NUBPL: variants seen among roughly 807,000 people sequenced by gnomAD.
NUBPL encodes the protein iron-sulfur cluster transfer protein NUBPL.
NUBPL carries 31 observed loss-of-function variants against 45.7 expected under a neutral mutation model. That is an observed-to-expected ratio of 0.68 (90% CI 0.51 to 0.92). The LOEUF is 0.92. NUBPL is among the 40% of genes least tolerant of loss of function. The pLI is 0.00. For missense variants in NUBPL, 401 were observed against 398.7 expected (o/e 1.01, Z -0.05); for synonymous variants, 144 against 140.9 (o/e 1.02, Z -0.15).
intron 6 of NUBPL, among the ~76,000 whole-genome samples, chr14:31,778,176 A>C (rs533972483): frequency 1.5e-4 from 23 of 152,250 alleles, no homozygotes; most frequent in Admixed American, 5.9e-4. Flanking sequence ...AATTTGCATA[A>C]GATCTGTCTG....
At chr14:31,799,837 G>T (rs776606079) in intron 7 of NUBPL, among the ~76,000 whole-genome samples, 5 of 152,192 alleles carry the variant, frequency 3.3e-5, no homozygotes, top group Non-Finnish European at 7.3e-5. Context: ...AGACAACAAA[G>T]AAGTTTGCTG....
In NUBPL at chr14:31,590,748, T is replaced by C. The variant is rs115634691; in HGVS notation, c.292-8541T>C. On this transcript the variant is annotated intron_variant, in intron 3 of 10. Transcript: ENST00000281081. ...GACTAGTTGATATCACAGATAACTA[T>C]GATTTTTAGAGCTCAGTGTCTGTAA... Among the ~76,000 whole-genome samples the C allele has an allele frequency of 5.7e-3, 874 of 152,346 alleles. 8 individuals are homozygous for C. Among genetic ancestry groups the C allele is most frequent in the African/African-American group, 0.02 (816 of 41,572 alleles).
chr14:31,845,352 A>AATGAATGAATGATAAT (rs1318643568), intron 8 of NUBPL: 2 of 152,198 alleles, frequency 1.3e-5, no homozygotes, highest in African/African-American at 4.8e-5. Context: ...TCTCAACCAT[A>AATGAATGAATGATAAT]GAATGAGAAT....
intron 6 of NUBPL, among the ~76,000 whole-genome samples, chr14:31,694,046 A>G (rs901060544): frequency 1.3e-5 from 2 of 151,786 alleles, no homozygotes; most frequent in African/African-American, 2.4e-5. Flanking sequence ...TAGTAGAGAC[A>G]GGGTTTCACC....
At chr14:31,790,277 T>C (rs950577028) in intron 7 of NUBPL, among the ~76,000 whole-genome samples, 4 of 152,368 alleles carry the variant, frequency 2.6e-5, no homozygotes, top group African/African-American at 9.6e-5. Flanking sequence ...AACACCAGCA[T>C]TGCATATAGA....
At chr14:31,856,891 C>T (rs2040630311) in intron 10 of NUBPL, among the ~76,000 whole-genome samples, 1 of 152,180 alleles carries the variant, frequency 6.6e-6, no homozygotes, top group African/African-American at 2.4e-5. Context: ...GCAGCTTTTT[C>T]AGGCACACTG....
chr14:31,766,813 G>T (rs923694390), intron 6 of NUBPL, among the ~76,000 whole-genome samples: 3 of 152,112 alleles, frequency 2.0e-5, no homozygotes, highest in Non-Finnish European at 4.4e-5. Flanking sequence ...GAAGACCGAA[G>T]ACCCCCAAAA....
chr14:31,645,324 C>T (rs141912426), intron 4 of NUBPL, among the ~76,000 whole-genome samples: 7,158 of 152,042 alleles, frequency 0.047, 209 homozygotes, highest in Admixed American at 0.066. Context: ...TCTCAGCCTC[C>T]TAAAGTGTTG....
intron 4 of NUBPL, among the ~76,000 whole-genome samples, chr14:31,668,337 C>G (rs2036488167): frequency 6.6e-6 from 1 of 152,210 alleles, no homozygotes; most frequent in Non-Finnish European, 1.5e-5. Flanking sequence ...GTCTGAACTT[C>G]CTGGTGGCTT....
intron 7 of NUBPL, among the ~76,000 whole-genome samples, chr14:31,825,689 GTTCTTTC>G (rs2040088341): frequency 9.2e-6 from 1 of 108,506 alleles, no homozygotes; most frequent in Non-Finnish European, 1.9e-5. Context: ...TCTTTCTTTT[GTTCTTTC>G]TTCTTCATCT....
intron 7 of NUBPL, among the ~76,000 whole-genome samples, chr14:31,791,445 C>CT (rs1388429926): frequency 6.6e-6 from 1 of 151,918 alleles, no homozygotes; most frequent in African/African-American, 2.4e-5. Flanking sequence ...AGTTCCTTAC[C>CT]TTTTTTGACT....
intron 4 of NUBPL, among the ~76,000 whole-genome samples, chr14:31,606,145 G>T (rs1284130060): frequency 2.1e-5 from 3 of 141,418 alleles, no homozygotes; most frequent in African/African-American, 5.2e-5. Context: ...CCAGGCTGGA[G>T]TAAAGTGGTG....
intron 6 of NUBPL, among the ~76,000 whole-genome samples, chr14:31,737,874 G>C (rs964290984): frequency 6.6e-6 from 1 of 152,104 alleles, no homozygotes. Flanking sequence ...TAAGAGTATA[G>C]ACAATTTGAA....
chr14:31,692,419 G>C (rs2037114345), intron 6 of NUBPL, among the ~76,000 whole-genome samples: 1 of 152,202 alleles, frequency 6.6e-6, no homozygotes, highest in Non-Finnish European at 1.5e-5. Context: ...GCCACAGAAA[G>C]AAAAACTTCA....
intron 3 of NUBPL, among the ~76,000 whole-genome samples, chr14:31,566,990 T>A (rs889998257): frequency 2.0e-5 from 3 of 152,224 alleles, no homozygotes; most frequent in Non-Finnish European, 4.4e-5. Context: ...TCTGTGATAA[T>A]ATTTTATAGA....
In NUBPL at chr14:31,599,330, T is replaced by C; in HGVS notation, c.333T>C (p.Pro111=). ...IGLLDVDVYG[P]SVPKMMNLKG... ...TGCTAGATGTGGATGTGTATGGACC[T>C]TCAGTTCCAAAGATGATGAATCTGA... Residue 111 remains proline, a synonymous_variant, in exon 4 of 11, where the codon CCT becomes CCC. Coordinates refer to ENST00000281081, the MANE Select transcript of NUBPL (RefSeq NM_025152.3). 1 of 1,613,064 alleles carries C rather than the reference T, an allele frequency of 6.2e-7. No homozygotes were observed. The highest frequency in any genetic ancestry group is 8.5e-7 in the Non-Finnish European group (1 of 1,179,366).
In NUBPL at chr14:31,561,500, G is replaced by GC; in HGVS notation, c.63dup (p.Thr22HisfsTer22). ...GGTGTCGCTCCGGGCTGGTGGCGGG[G>GC]CCACTGCCCCGCTTGGGGGAAGCCG... On this transcript the variant is annotated frameshift_variant, in exon 1 of 11. Coordinates refer to ENST00000281081, the MANE Select transcript of NUBPL (RefSeq NM_025152.3). LOFTEE classifies it high-confidence loss of function. 1 of 1,394,072 alleles carries GC rather than the reference G, an allele frequency of 7.2e-7. No individual in the cohort carries two copies. Among genetic ancestry groups the GC allele is most frequent in the Non-Finnish European group, 9.4e-7 (1 of 1,066,470 alleles). 86.4% of individuals were successfully genotyped at this position (1,394,072 alleles called of 1,614,324 possible). A position where few individuals can be genotyped will look rare whatever the true frequency, so the allele number is the denominator to read the frequency against.
chr14:31,710,646 G>T (rs1171331932), intron 6 of NUBPL, among the ~76,000 whole-genome samples: 5 of 152,174 alleles, frequency 3.3e-5, no homozygotes, highest in African/African-American at 1.2e-4. Flanking sequence ...CCTTACCCGT[G>T]TCCTATAAAG....
rs1034419744 is a variant in NUBPL, at chr14:31,689,511, G to GT, written c.513+15946dup. Among the ~76,000 whole-genome samples, 307 of 151,342 alleles carry GT rather than the reference G, an allele frequency of 2.0e-3. 2 individuals carry two copies. The highest frequency in any genetic ancestry group is 7.0e-3 in the African/African-American group (287 of 41,238). On this transcript the variant is annotated intron_variant, in intron 6 of 10. Transcript: ENST00000281081. ...TGTCCTTTGCCCACTTTTTAATGGA[G>GT]TTTTTTTTTCTTGTAAATTTGTTTA...
Sources: allele counts gnomAD v4.1 joint callset (sites outside exome capture counted in the v4.1 genomes callset), GRCh38; gene constraint gnomAD v4.1.1; transcripts MANE v1.5; gene names NCBI Gene and HGNC (gene_info 2026-07-23, HGNC 2026-07-21).